Variants in LTBP1 observed in about 807,000 individuals in gnomAD.
LTBP1 encodes latent transforming growth factor beta binding protein 1.
LTBP1 carries 129 observed loss-of-function variants against 207.6 expected under a neutral mutation model. That is an observed-to-expected ratio of 0.62 (90% CI 0.54 to 0.72). The LOEUF is 0.72. Among genes scored for constraint, LTBP1 ranks in the 30% least tolerant of loss-of-function variants. The probability of loss-of-function intolerance (pLI) is 0.00; values close to 1 mark genes in which losing one functional copy is unlikely to be tolerated. For synonymous variants in LTBP1, 963 were observed against 833.7 expected, an observed-to-expected ratio of 1.16 and a Z score of -2.67; for missense variants, 2,281 against 2,217.2, an observed-to-expected ratio of 1.03 and a Z score of -0.58.
At chr2:33,339,139 G>A (rs1262905605) in intron 24 of LTBP1, among the ~76,000 whole-genome samples, 2 of 152,038 alleles carry the variant, frequency 1.3e-5, no homozygotes, top group Non-Finnish European at 2.9e-5. Flanking sequence ...GAAGGACAGA[G>A]AATAGGAGAA....
At chr2:33,294,174 TTTTG>T (rs779405771) in intron 20 of LTBP1, among the ~76,000 whole-genome samples, 3 of 151,106 alleles carry the variant, frequency 2.0e-5, no homozygotes, top group South Asian at 4.2e-4. Flanking sequence ...CCCGACTAAT[TTTTG>T]TTTGTTTGTT....
At chr2:33,205,938 G>C (rs1484776999) in intron 7 of LTBP1, among the ~76,000 whole-genome samples, 2 of 152,156 alleles carry the variant, frequency 1.3e-5, no homozygotes, top group South Asian at 4.1e-4. Context: ...AAGCTAGGAG[G>C]AGGGGCCTCA....
At chr2:33,116,727 TGGG>T (rs1044559568) in intron 4 of LTBP1, among the ~76,000 whole-genome samples, 4 of 144,034 alleles carry the variant, frequency 2.8e-5, no homozygotes, top group African/African-American at 1.0e-4. Context: ...TGTACTAACA[TGGG>T]GGAGAGAGAG....
At chr2:33,233,234 G>T (rs776739449) in intron 9 of LTBP1, among the ~76,000 whole-genome samples, 1 of 151,594 alleles carries the variant, frequency 6.6e-6, no homozygotes, top group South Asian at 2.1e-4. Flanking sequence ...TCTCTTTTTC[G>T]CTGCATTTTG....
intron 10 of LTBP1, among the ~76,000 whole-genome samples, chr2:33,245,203 G>T (rs1227849894): frequency 6.6e-6 from 1 of 152,074 alleles, no homozygotes; most frequent in Non-Finnish European, 1.5e-5. Context: ...TTTTAATGTG[G>T]CTTTGGTATA....
chr2:33,395,293 G>C (rs939430989), intron 32 of LTBP1, among the ~76,000 whole-genome samples: 1 of 152,084 alleles, frequency 6.6e-6, no homozygotes, highest in Non-Finnish European at 1.5e-5. Context: ...AAATCCCATG[G>C]TTCATTTCCA....
intron 18 of LTBP1, among the ~76,000 whole-genome samples, chr2:33,279,115 T>C (rs1405088947): frequency 3.9e-5 from 6 of 152,238 alleles, no homozygotes; most frequent in Non-Finnish European, 8.8e-5. Flanking sequence ...TTAAAGGTCA[T>C]ATATACATTG....
At chr2:33,199,100 C>G (rs2088909288) in intron 7 of LTBP1, among the ~76,000 whole-genome samples, 1 of 151,972 alleles carries the variant, frequency 6.6e-6, no homozygotes. Context: ...TATGTTGTGT[C>G]TTTGTTCTCG....
chr2:33,140,825 G>T lies in LTBP1; in HGVS notation c.1201+5865G>T, dbSNP rs529074680. The stretch of plus-strand genomic sequence containing the variant: ...TGGGATTACAGGCACCTGCCACCAT[G>T]CCCGGCTAATTTTTTGTATTTTCAG... On this transcript the variant is annotated intron_variant, in intron 5 of 33. Transcript: ENST00000404816. Among the ~76,000 whole-genome samples the T allele has an allele frequency of 2.6e-5, 4 of 152,068 alleles. No individual in the cohort carries two copies. In the South Asian group the frequency reaches 6.2e-4, roughly 24 times the overall value.
At position 33,080,100 on chromosome 2, in the gene LTBP1, C is replaced by A. The variant is rs547786734; in HGVS notation, c.864-30482C>A. Among the ~76,000 whole-genome samples the A allele has an allele frequency of 3.9e-5, 6 of 152,278 alleles. No individual in the cohort carries two copies. In the South Asian group the frequency reaches 1.2e-3, roughly 32 times the overall value. ...GGAGTGCAGTGGTATGATCTCGGCT[C>A]ACTGCAACCTCTGCCTCCCGAGTTC... On this transcript the variant is annotated intron_variant, in intron 3 of 33. Coordinates refer to ENST00000404816, the MANE Select transcript of LTBP1 (RefSeq NM_206943.4).
At chr2:33,264,499 A>G (rs2093119358) in intron 15 of LTBP1, among the ~76,000 whole-genome samples, 1 of 152,198 alleles carries the variant, frequency 6.6e-6, no homozygotes, top group South Asian at 2.1e-4. Context: ...GCAAAATTCT[A>G]AATGTCCATA....
chr2:33,307,085 C>CAAAAAAAAAAAAAAAAAAAA (rs1291775472), intron 22 of LTBP1, among the ~76,000 whole-genome samples: 3 of 151,714 alleles, frequency 2.0e-5, no homozygotes, highest in Non-Finnish European at 1.5e-5. Flanking sequence ...GACTCCATCT[C>CAAAAAAAAAAAAAAAAAAAA]AAAAACAAAA....
intron 21 of LTBP1, among the ~76,000 whole-genome samples, chr2:33,301,143 T>G (rs2093982350): frequency 6.6e-6 from 1 of 152,202 alleles, no homozygotes; most frequent in Non-Finnish European, 1.5e-5. Flanking sequence ...AAGAAACATT[T>G]CATTGAATTG....
At chr2:33,320,550 A>C (rs2094339699) in intron 24 of LTBP1, among the ~76,000 whole-genome samples, 1 of 152,174 alleles carries the variant, frequency 6.6e-6, no homozygotes, top group African/African-American at 2.4e-5. Context: ...TGAGTGAAGA[A>C]ATGAAGCCAT....
chr2:33,092,432 G>T (rs1326031262), intron 3 of LTBP1, among the ~76,000 whole-genome samples: 1 of 152,172 alleles, frequency 6.6e-6, no homozygotes, highest in Non-Finnish European at 1.5e-5. Flanking sequence ...TTCAGCCTGG[G>T]CTTTGAAGCA....
Position 33,252,822 on chromosome 2 carries a change from G to T in LTBP1, c.2145G>T (p.Glu715Asp), listed in dbSNP as rs868216696. The T allele has an allele frequency of 2.5e-6, 4 of 1,607,960 alleles. No individual in the cohort carries two copies. In the Middle Eastern group the frequency reaches 5.0e-4, roughly 201 times the overall value. ...SVGKAWGPHC[E>D]KCPLPGTAAF... is the part of the protein sequence containing the mutation. The stretch of plus-strand genomic sequence containing the variant: ...GCAAGGCCTGGGGCCCACACTGTGA[G>T]AAATGTCCCCTTCCAGGCACAGGTA... Residue 715 changes from glutamate (E) to aspartate (D), a missense_variant, in exon 11 of 34, where the codon GAG becomes GAT. Transcript: ENST00000404816.
At chr2:33,004,774 CA>C (rs34109778) in intron 2 of LTBP1, among the ~76,000 whole-genome samples, 29,635 of 83,738 alleles carry the variant, frequency 0.35, 4,131 homozygotes, top group East Asian at 0.73. Flanking sequence ...GCCTCAGTCT[CA>C]AAAAAAAAGG....
intron 31 of LTBP1, among the ~76,000 whole-genome samples, chr2:33,383,504 C>A (rs575611678): frequency 1.1e-4 from 16 of 152,260 alleles, no homozygotes; most frequent in African/African-American, 3.4e-4. Flanking sequence ...AAGAAAAATA[C>A]CTGGTCTAGA....
intron 3 of LTBP1, among the ~76,000 whole-genome samples, chr2:33,045,319 G>C (rs904059248): frequency 6.6e-6 from 1 of 152,130 alleles, no homozygotes; most frequent in Non-Finnish European, 1.5e-5. Context: ...TCCAGTTTCC[G>C]TTTTCTGCGT....
Sources: gnomAD v4.1 joint callset for allele counts (sites outside exome capture counted in the v4.1 genomes callset) on GRCh38, gnomAD v4.1.1 for gene constraint, MANE v1.5 for transcripts, NCBI Gene and HGNC (gene_info 2026-07-23, HGNC 2026-07-21) for gene names.